The following CRACDL variants were observed in gnomAD, a reference collection of about 807,000 sequenced individuals.
CRACDL encodes the protein CRACD like.
Under a neutral mutation model 70.6 loss-of-function variants are expected in CRACDL, and 26 were observed. The observed-to-expected ratio is 0.37, with a 90% CI of 0.27 to 0.51. The LOEUF is 0.51. Ranked by LOEUF, CRACDL falls within the 20% of genes least tolerant of loss-of-function variation. The pLI is 0.94. For missense variants in CRACDL, 1,283 were observed against 1,376.9 expected (o/e 0.93, Z 1.08); for synonymous variants, 618 against 615.2 (o/e 1.00, Z -0.07).
intron 1 of CRACDL, among the ~76,000 whole-genome samples, chr2:98,929,468 G>A (rs1709016959): frequency 6.6e-6 from 1 of 152,178 alleles, no homozygotes; most frequent in Admixed American, 6.5e-5. Context: ...TCTACAGTGG[G>A]ACGGGGGAGC....
At chr2:98,868,114 A>G (rs906636249) in intron 1 of CRACDL, among the ~76,000 whole-genome samples, 2 of 152,212 alleles carry the variant, frequency 1.3e-5, no homozygotes, top group African/African-American at 4.8e-5. Context: ...AACAATGATG[A>G]TGACTTATAT....
intron 1 of CRACDL, among the ~76,000 whole-genome samples, chr2:98,925,012 A>G (rs1243913006): frequency 6.6e-6 from 1 of 152,200 alleles, no homozygotes; most frequent in Non-Finnish European, 1.5e-5. Flanking sequence ...CCTAAATAGC[A>G]CGGGGCCCCA....
rs1299434522 is a variant in CRACDL, at chr2:98,816,976, T to G, written c.2416+4881A>C. Among the ~76,000 whole-genome samples the G allele has an allele frequency of 3.3e-5, 5 of 152,260 alleles. No homozygotes were observed. In the East Asian group the frequency reaches 7.7e-4, roughly 23 times the overall value. ...AAATGTGTTTGGACAAACAAATGGA[T>G]AAAGCAAATGCAGTGTATACCTACA... On this transcript the variant is annotated intron_variant, in intron 7 of 9. Coordinates refer to ENST00000397899, the MANE Select transcript of CRACDL (RefSeq NM_207362.3).
Position 98,822,255 on chromosome 2 carries a change from G to C in CRACDL, c.2018C>G (p.Pro673Arg). 2 of 1,594,928 alleles carry C rather than the reference G, an allele frequency of 1.3e-6. No homozygotes were observed. Among genetic ancestry groups the C allele is most frequent in the Non-Finnish European group, 1.7e-6 (2 of 1,176,474 alleles). The change falls in exon 7 of 10, where the codon CCG (proline) becomes CGG (arginine). Residue 673 changes from proline to arginine, a missense_variant. Pro to Arg is a moderately radical substitution (Grantham distance 103). Around this residue, in one of 2 missense-constraint regions of CRACDL, gnomAD observed 921 missense variants for 881.9 expected, o/e 1.04. Transcript: ENST00000397899. The surrounding 1 kb of genome is among the most constrained non-coding windows in gnomAD (Gnocchi z 4.9). ...TREPCPAAQEPAPSEDRNPFP... is the reference protein window; with the variant it reads ...TREPCPAAQERAPSEDRNPFP... ...GGGGTTTCTGTCCTCACTCGGGGCC[G>C]GCTCCTGGGCGGCTGGGCAGGGCTC...
rs544244333 is a variant in CRACDL at position 98,864,941 on chromosome 2, A to C, written c.-10-18131T>G. 8.5e-5 allele frequency among the ~76,000 whole-genome samples: 13 copies of C among 152,372 alleles called. 1 individual carries two copies. The South Asian group carries it at 2.5e-3, about 29-fold the overall frequency. On this transcript the variant is annotated intron_variant, in intron 1 of 9. Transcript: ENST00000397899. ...GATGAAATAAAGACATTTTCAGAAAAGAAAAGTTGATACAATTTGTTTCCA... is the reference window on the plus strand; with the variant it reads ...GATGAAATAAAGACATTTTCAGAAACGAAAAGTTGATACAATTTGTTTCCA...
chr2:98,798,530 A>AT (rs1703940140), intron 7 of CRACDL, among the ~76,000 whole-genome samples: 2 of 147,804 alleles, frequency 1.4e-5, no homozygotes, highest in Admixed American at 1.4e-4. Context: ...ATCTCCTTCC[A>AT]TATTTACTGT....
At chr2:98,876,903 T>C (rs116761488) in intron 1 of CRACDL, among the ~76,000 whole-genome samples, 2,701 of 152,306 alleles carry the variant, frequency 0.018, 87 homozygotes, top group African/African-American at 0.061. Flanking sequence ...AAATGCATTG[T>C]AAGTCTACTG....
At chr2:98,927,597 C>T (rs191077862) in intron 1 of CRACDL, among the ~76,000 whole-genome samples, 3 of 151,622 alleles carry the variant, frequency 2.0e-5, no homozygotes, top group East Asian at 3.9e-4. Context: ...ACTTAGGAGA[C>T]GGTACGCAAA....
chr2:98,840,956 C>G (rs1005853486), intron 2 of CRACDL, among the ~76,000 whole-genome samples: 1 of 152,126 alleles, frequency 6.6e-6, no homozygotes, highest in Non-Finnish European at 1.5e-5. Flanking sequence ...AGGAAATGCT[C>G]ACTGGAGCAT....
At chr2:98,837,317 G>A (rs1242032593) in intron 3 of CRACDL, among the ~76,000 whole-genome samples, 2 of 152,028 alleles carry the variant, frequency 1.3e-5, no homozygotes, top group African/African-American at 4.8e-5. Flanking sequence ...GCTGGGGAGG[G>A]GCGAGAGCAA....
At chr2:98,901,895 C>A (rs1708291748) in intron 1 of CRACDL, among the ~76,000 whole-genome samples, 1 of 152,234 alleles carries the variant, frequency 6.6e-6, no homozygotes, top group African/African-American at 2.4e-5. Flanking sequence ...ACAGCCCCTC[C>A]CCAAGAACTC....
chr2:98,865,345 C>T (rs536767464), intron 1 of CRACDL, among the ~76,000 whole-genome samples: 16 of 152,206 alleles, frequency 1.1e-4, no homozygotes, highest in South Asian at 4.2e-4. Flanking sequence ...AGACCTCCCG[C>T]GACATACTAT....
chr2:98,929,982 C>T lies in CRACDL; in HGVS notation c.-11+5956G>A, dbSNP rs542925624. ...CGATACCACGATACATTTGTATGCA[C>T]GGGACCAGTTACCCAGAGGAACCTG... On this transcript the variant is annotated intron_variant, in intron 1 of 9. Transcript: ENST00000397899. Among the ~76,000 whole-genome samples, 15 of 152,198 alleles carry T rather than the reference C, an allele frequency of 9.9e-5. No individual in the cohort carries two copies. The South Asian group carries it at 1.0e-3, about 11-fold the overall frequency.
chr2:98,870,748 T>C (rs1021314312), intron 1 of CRACDL, among the ~76,000 whole-genome samples: 2 of 152,182 alleles, frequency 1.3e-5, no homozygotes, highest in Non-Finnish European at 2.9e-5. Flanking sequence ...GGGTTGAGCA[T>C]GCAGCTTGCC....
At chr2:98,884,162 A>G (rs977655616) in intron 1 of CRACDL, among the ~76,000 whole-genome samples, 2 of 152,222 alleles carry the variant, frequency 1.3e-5, no homozygotes, top group African/African-American at 4.8e-5. Flanking sequence ...GGAGGCCTGG[A>G]AGCACAGGCA....
chr2:98,904,902 T>C (rs1708367513), intron 1 of CRACDL, among the ~76,000 whole-genome samples: 1 of 152,132 alleles, frequency 6.6e-6, no homozygotes, highest in Admixed American at 6.5e-5. Flanking sequence ...CCCTCCTGAA[T>C]GCTTTGGTGT....
intron 1 of CRACDL, among the ~76,000 whole-genome samples, chr2:98,924,291 A>G (rs1331003463): frequency 2.0e-5 from 3 of 152,114 alleles, no homozygotes; most frequent in African/African-American, 4.8e-5. Context: ...CCACCCTGTC[A>G]GGGGCTTCAG....
intron 7 of CRACDL, among the ~76,000 whole-genome samples, chr2:98,798,948 T>C (rs572774560): frequency 1.3e-5 from 2 of 152,254 alleles, no homozygotes; most frequent in African/African-American, 2.4e-5. Flanking sequence ...CTTCCCAAAG[T>C]GCTGCAATTA....
At chr2:98,925,271 G>C (rs114594219) in intron 1 of CRACDL, among the ~76,000 whole-genome samples, 4,287 of 152,306 alleles carry the variant, frequency 0.028, 80 homozygotes, top group Middle Eastern at 0.065. Flanking sequence ...TGCACACTTG[G>C]GGGGAGGAAC....
Sources: gnomAD v4.1 joint callset for allele counts (sites outside exome capture counted in the v4.1 genomes callset) on GRCh38, gnomAD v4.1.1 for gene constraint, gnomAD v4.1.1 regional missense constraint, Gnocchi (gnomAD v3.1) non-coding constraint, MANE v1.5 for transcripts, NCBI Gene and HGNC (gene_info 2026-07-23, HGNC 2026-07-21) for gene names.